Variants in BTN3A1 observed in about 807,000 individuals in gnomAD.
The protein encoded by BTN3A1 is butyrophilin subfamily 3 member A1.
In BTN3A1, 24 loss-of-function variants were observed where a neutral mutation model predicts 43.0. That is an observed-to-expected ratio of 0.56 (90% CI 0.40 to 0.78). The LOEUF is 0.78. Ranked by LOEUF, BTN3A1 falls within the 30% of genes least tolerant of loss-of-function variation. BTN3A1 has a pLI of 0.00. For synonymous variants in BTN3A1, 181 were observed against 234.7 expected (o/e 0.77, Z 2.09); for missense variants, 533 against 626.2 (o/e 0.85, Z 1.59).
rs191543588 is a variant in BTN3A1, at chr6:26,409,182, T to A, written c.716-351T>A. On this transcript the variant is annotated intron_variant, in intron 4 of 9. Coordinates refer to ENST00000289361, the MANE Select transcript of BTN3A1 (RefSeq NM_007048.6). ...AGAAAGGGAGGGTGGGAGGGAGGAC[T>A]GGGTGGATGGGAGACTTACGTGACT... is the stretch of plus-strand genomic sequence containing the variant. Among the ~76,000 whole-genome samples, 684 of 152,190 alleles carry A rather than the reference T, an allele frequency of 4.5e-3. 3 individuals are homozygous for A. The highest frequency in any genetic ancestry group is 0.015 in the African/African-American group (622 of 41,494).
rs185443597 is a variant in BTN3A1 at position 26,408,160 on chromosome 6, G to T, written c.715+208G>T. The stretch of plus-strand genomic sequence containing the variant: ...AACATTTACTGAACATTTCCTGTCT[G>T]CCAGAAGTATAACAGTAATTGGAAT... On this transcript the variant is annotated intron_variant, in intron 4 of 9. Coordinates refer to ENST00000289361, the MANE Select transcript of BTN3A1 (RefSeq NM_007048.6). Among the ~76,000 whole-genome samples the T allele has an allele frequency of 1.1e-4, 16 of 152,238 alleles. No individual in the cohort carries two copies. In the East Asian group the frequency reaches 3.1e-3, roughly 29 times the overall value.
At chr6:26,406,440 T>C (rs1762023021) in intron 3 of BTN3A1, among the ~76,000 whole-genome samples, 184 bp downstream of exon 3, 1 of 151,886 alleles carries the variant, frequency 6.6e-6, no homozygotes, top group Admixed American at 6.6e-5. Context: ...GAAGAATTCC[T>C]GCTGTACCCT....
In BTN3A1 at chr6:26,405,425, G is replaced by T; in HGVS notation, c.-139G>T. 2.7e-6 allele frequency: 2 copies of T among 738,642 alleles called. No individual in the cohort carries two copies. Among genetic ancestry groups the T allele is most frequent in the South Asian group, 1.7e-5 (1 of 57,970 alleles). 45.8% of individuals were successfully genotyped at this position (738,642 alleles called of 1,614,324 possible). A position where few individuals can be genotyped will look rare whatever the true frequency, so the allele number is the denominator to read the frequency against. On this transcript the variant is annotated 5_prime_UTR_variant, in exon 2 of 10. Transcript: ENST00000289361. Reference sequence around the variant, plus strand: ...GAAGACACTGAAGGACAGAATTTTTGGCAGAGGAAAGATCTTCTTCGGTCA... The same window carrying T: ...GAAGACACTGAAGGACAGAATTTTTTGCAGAGGAAAGATCTTCTTCGGTCA...
chr6:26,403,255 G>A (rs889176538), intron 1 of BTN3A1, among the ~76,000 whole-genome samples: 1 of 151,726 alleles, frequency 6.6e-6, no homozygotes, highest in Non-Finnish European at 1.5e-5. Context: ...TAGTAGATTC[G>A]GAGTTTCGCC....
chr6:26,405,954 T>C lies in BTN3A1; in HGVS notation c.131T>C (p.Val44Ala). 6.2e-7 allele frequency: 1 copy of C among 1,611,806 alleles called. No homozygotes were observed. Among genetic ancestry groups the C allele is most frequent in the East Asian group, 2.2e-5 (1 of 44,870 alleles). The stretch of plus-strand genomic sequence containing the variant: ...CCCTCTGGGCCCATCCTGGCCATGG[T>C]GGGTGAAGACGCTGATCTGCCCTGT... Reference protein sequence around the residue: ...LGPSGPILAMVGEDADLPCHL... With the variant: ...LGPSGPILAMAGEDADLPCHL... Residue 44 changes from valine (V) to alanine (A), a missense_variant, in exon 3 of 10, where the codon GTG becomes GCG. Val to Ala is a moderately conservative substitution (Grantham distance 64). This residue lies in a region of BTN3A1 where 56 missense variants were observed against 67.1 expected (regional missense o/e 0.83). Coordinates refer to ENST00000289361, the MANE Select transcript of BTN3A1 (RefSeq NM_007048.6).
intron 3 of BTN3A1, among the ~76,000 whole-genome samples, chr6:26,407,372 A>G (rs765997726): frequency 6.6e-6 from 1 of 152,138 alleles, no homozygotes; most frequent in African/African-American, 2.4e-5. Flanking sequence ...GCCTTGCTGA[A>G]GGTCATTGCC....
chr6:26,413,254 C>G lies in BTN3A1; in HGVS notation c.1104C>G (p.Pro368=), dbSNP rs749946420. ...GGAGTGTGCAGCGTGCCAAGGAGCC[C>G]CAGGATCTGCCAGACAACCCTGAGA... ...DQRSVQRAKE[P]QDLPDNPERF... Residue 368 remains proline (P), a synonymous_variant, in exon 10 of 10, where the codon CCC becomes CCG. Coordinates refer to ENST00000289361, the MANE Select transcript of BTN3A1 (RefSeq NM_007048.6). 16 of 1,614,070 alleles carry G rather than the reference C, an allele frequency of 9.9e-6. No individual in the cohort carries two copies. The highest frequency in any genetic ancestry group is 1.3e-5 in the Non-Finnish European group (15 of 1,179,992).
At chr6:26,403,321 C>T (rs1164985020) in intron 1 of BTN3A1, among the ~76,000 whole-genome samples, 2 of 152,218 alleles carry the variant, frequency 1.3e-5, no homozygotes, top group Non-Finnish European at 2.9e-5. Context: ...CCACCTCAGC[C>T]TCCCAAAGAG....
At chr6:26,408,074 C>A in intron 4 of BTN3A1, 122 bp downstream of exon 4, 20 of 1,446,088 alleles carry the variant, frequency 1.4e-5, no homozygotes, top group Non-Finnish European at 1.8e-5. Context: ...AAAGCACAGA[C>A]CTGGAGGCTC....
At chr6:26,411,988 C>T (rs12207930) in intron 9 of BTN3A1, 36,175 of 221,108 alleles carry the variant, frequency 0.16, 3,233 homozygotes, top group South Asian at 0.21. Context: ...CTCAAAAAAA[C>T]TTAATGCTTC....
Position 26,409,722 on chromosome 6 carries a change from A to G in BTN3A1, c.905A>G (p.Gln302Arg), listed in dbSNP as rs745958653. The G allele has an allele frequency of 6.4e-7, 1 of 1,572,588 alleles. No homozygotes were observed. Among genetic ancestry groups the G allele is most frequent in the Admixed American group, 1.9e-5 (1 of 52,696 alleles). Residue 302 changes from glutamine (Q) to arginine (R), a missense_variant, in exon 5 of 10, where the codon CAA becomes CGA. Physicochemically the swap from Gln to Arg is conservative, Grantham distance 43 (BLOSUM62 1). Coordinates refer to ENST00000289361, the MANE Select transcript of BTN3A1 (RefSeq NM_007048.6). ...EMAWSTMKQE[Q>R]STRVKLLEEL... ...GCATGGAGCACAATGAAGCAAGAAC[A>G]AAGCACAAGAGGTAGCTGACCTTGG...
chr6:26,411,301 A>G (rs1347022994), intron 8 of BTN3A1, among the ~76,000 whole-genome samples, 166 bp downstream of exon 8: 1 of 152,182 alleles, frequency 6.6e-6, no homozygotes, highest in Non-Finnish European at 1.5e-5. Context: ...CTGGAGAATC[A>G]GAGAGACTCC....
intron 5 of BTN3A1, 49 bp downstream of exon 5, chr6:26,409,782 C>A: frequency 6.3e-7 from 1 of 1,594,236 alleles, no homozygotes; most frequent in Non-Finnish European, 8.5e-7. Context: ...CGGGCCAAAG[C>A]CCAAAGACCT....
At position 26,409,634 on chromosome 6, in the gene BTN3A1, C is replaced by G; in HGVS notation, c.817C>G (p.Gln273Glu). 6.2e-7 allele frequency: 1 copy of G among 1,601,070 alleles called. No individual in the cohort carries two copies. Among genetic ancestry groups the G allele is most frequent in the Non-Finnish European group, 8.5e-7 (1 of 1,176,510 alleles). ...LGGAGYFLWQ[Q>E]QEEKKTQFRK... Reference sequence around the variant, plus strand: ...GGGAGCCGGTTACTTCCTGTGGCAACAGCAGGAGGAAAAAAAGACTCAGTT... The same window carrying G: ...GGGAGCCGGTTACTTCCTGTGGCAAGAGCAGGAGGAAAAAAAGACTCAGTT... The change falls in exon 5 of 10, where the codon CAG becomes GAG. Residue 273 changes from glutamine (Q) to glutamate (E), a missense_variant. By Grantham distance (29) the Gln-to-Glu change is conservative (BLOSUM62 2). Coordinates refer to ENST00000289361, the MANE Select transcript of BTN3A1 (RefSeq NM_007048.6).
chr6:26,410,075 G>GT, intron 7 of BTN3A1, 43 bp downstream of exon 7: 1 of 1,609,676 alleles, frequency 6.2e-7, no homozygotes. Flanking sequence ...ATCTATAACT[G>GT]TCTGTGCTTG....
In BTN3A1 at chr6:26,411,199, T is replaced by G. The variant is rs1762206341; in HGVS notation, c.991+64T>G. ...GTGCCATGAACATTTCAACCTTTTC[T>G]CTGCTGTGACCCATTGATGTTCTCA... On this transcript the variant is annotated intron_variant, in intron 8 of 9. Coordinates refer to ENST00000289361, the MANE Select transcript of BTN3A1 (RefSeq NM_007048.6). The G allele has an allele frequency of 2.4e-5, 37 of 1,564,464 alleles. No homozygotes were observed. The South Asian group carries it at 3.8e-4, about 16-fold the overall frequency.
In BTN3A1 at chr6:26,406,117, G is replaced by A. The variant is rs758452573; in HGVS notation, c.294G>A (p.Ser98=). The change falls in exon 3 of 10, where the codon TCG becomes TCA. Residue 98 remains serine (S), a synonymous_variant. Coordinates refer to ENST00000289361, the MANE Select transcript of BTN3A1 (RefSeq NM_007048.6). ...RQSAPYRGRT[S]ILRDGITAGK... The stretch of plus-strand genomic sequence containing the variant: ...GTGCACCGTATCGAGGGAGAACTTC[G>A]ATTCTGCGGGATGGCATCACTGCAG... 14 of 1,577,286 alleles carry A rather than the reference G, an allele frequency of 8.9e-6. No homozygotes were observed. The highest frequency in any genetic ancestry group is 7.9e-5 in the South Asian group (7 of 89,068).
chr6:26,411,457 T>C (rs1225930978), intron 8 of BTN3A1, 98 bp from the exon 9 acceptor site: 4 of 1,443,602 alleles, frequency 2.8e-6, no homozygotes, highest in Non-Finnish European at 2.9e-6. Context: ...GAAGAGACTC[T>C]GAAGAAAAGG....
Position 26,405,456 on chromosome 6 carries a change from C to A in BTN3A1, c.-108C>A. 9.2e-7 allele frequency: 1 copy of A among 1,089,758 alleles called. No homozygotes were observed. The highest frequency in any genetic ancestry group is 1.4e-6 in the Non-Finnish European group (1 of 716,354). 67.5% of individuals were successfully genotyped at this position (1,089,758 alleles called of 1,614,324 possible). ...GGAAAGATCTTCTTCGGTCACCATA[C>A]TTGAGTTAGCTCTAGGGAAGTGGAG... On this transcript the variant is annotated 5_prime_UTR_variant, in exon 2 of 10. It introduces an in-frame stop codon into an upstream open reading frame of the 5' UTR. Coordinates refer to ENST00000289361, the MANE Select transcript of BTN3A1 (RefSeq NM_007048.6).
Sources: allele counts gnomAD v4.1 joint callset (sites outside exome capture counted in the v4.1 genomes callset), GRCh38; gene constraint gnomAD v4.1.1; regional missense constraint gnomAD v4.1.1; transcripts MANE v1.5; gene names NCBI Gene and HGNC (gene_info 2026-07-23, HGNC 2026-07-21).